AASS: variants seen among roughly 807,000 people sequenced by gnomAD.
The protein encoded by AASS is alpha-aminoadipic semialdehyde synthase, mitochondrial.
AASS carries 86 observed loss-of-function variants against 105.4 expected under a neutral mutation model. The observed-to-expected ratio is 0.82, with a 90% CI of 0.69 to 0.98. The LOEUF (loss-of-function observed/expected upper bound fraction) is 0.98. Ranked by LOEUF, AASS falls within the 50% of genes least tolerant of loss-of-function variation. The pLI is 0.00. For missense variants in AASS, 1,048 were observed against 1,143.2 expected (o/e 0.92, Z 1.20); for synonymous variants, 381 against 394.8 (o/e 0.96, Z 0.41).
At chr7:122,099,892 G>T (rs772237682) in intron 13 of AASS, among the ~76,000 whole-genome samples, 2 of 151,724 alleles carry the variant, frequency 1.3e-5, no homozygotes, top group Non-Finnish European at 2.9e-5. Context: ...CTTCCAGAGA[G>T]AACCACTATT....
intron 19 of AASS, among the ~76,000 whole-genome samples, chr7:122,082,278 A>C (rs1161792392): frequency 6.6e-6 from 1 of 151,732 alleles, no homozygotes. Context: ...ATCTAGCCTA[A>C]CTCACAGATC....
At chr7:122,126,606 G>C in intron 3 of AASS, 147 bp from the exon 4 acceptor site, 1 of 701,698 alleles carries the variant, frequency 1.4e-6, no homozygotes, top group Non-Finnish European at 2.5e-6. Context: ...GGTATACCAT[G>C]AAATATTTAG....
intron 11 of AASS, among the ~76,000 whole-genome samples, chr7:122,112,443 C>G (rs1562975040): frequency 6.6e-6 from 1 of 152,088 alleles, no homozygotes; most frequent in Non-Finnish European, 1.5e-5. Context: ...TCTTGCCCCA[C>G]TAACTATTGT....
chr7:122,112,851 C>T (rs1012138907), intron 11 of AASS, among the ~76,000 whole-genome samples: 8 of 152,120 alleles, frequency 5.3e-5, no homozygotes, highest in East Asian at 1.9e-4. Flanking sequence ...TTATCTCACA[C>T]GTGGTGAACA....
rs3213699 is a variant in AASS at position 122,085,907 on chromosome 7, A to G, written c.2184+105T>C. The G allele has an allele frequency of 0.12, 149,053 of 1,277,432 alleles. 9,754 individuals are homozygous for G. The highest frequency in any genetic ancestry group is 0.23 in the East Asian group (9,559 of 41,222). The allele number at this position is 1,277,432 out of a possible 1,614,324, so 79.1% of individuals were successfully genotyped here. Reference sequence around the variant, plus strand: ...AAGATTCCTGAAAAAATAGACTCCAACTTGGTTTATCATCTTAATTATTTT... The same window carrying G: ...AAGATTCCTGAAAAAATAGACTCCAGCTTGGTTTATCATCTTAATTATTTT... On this transcript the variant is annotated intron_variant, in intron 19 of 23. Coordinates refer to ENST00000417368, the MANE Select transcript of AASS (RefSeq NM_005763.4).
At chr7:122,117,782 A>G (rs1480683826) in intron 6 of AASS, among the ~76,000 whole-genome samples, 2 of 152,006 alleles carry the variant, frequency 1.3e-5, no homozygotes, top group East Asian at 3.9e-4. Context: ...CAGCCTCCTT[A>G]GTAGCCGGGA....
At chr7:122,126,707 A>C (rs1232173998) in intron 3 of AASS, among the ~76,000 whole-genome samples, 2 of 152,188 alleles carry the variant, frequency 1.3e-5, no homozygotes, top group Non-Finnish European at 2.9e-5. Flanking sequence ...ATGGTAAGCA[A>C]TGAAATAATA....
Position 122,077,856 on chromosome 7 carries a change from C to T in AASS, c.2644G>A (p.Ala882Thr), listed in dbSNP as rs1484679294. 1.2e-6 allele frequency: 2 copies of T among 1,614,062 alleles called. No individual in the cohort carries two copies. The highest frequency in any genetic ancestry group is 2.7e-5 in the African/African-American group (2 of 74,930). Reference sequence around the variant, plus strand: ...GACTTACCATCAAGCAACATTTTGGCTGCCATGGCGGTGGGTAACCCCACG... The same window carrying T: ...GACTTACCATCAAGCAACATTTTGGTTGCCATGGCGGTGGGTAACCCCACG... ...KTVGLPTAMAAKMLLDGEIGA... is the reference protein window; with the variant it reads ...KTVGLPTAMATKMLLDGEIGA... Residue 882 changes from alanine (A) to threonine (T), a missense_variant, in exon 23 of 24, where the codon GCC (alanine) becomes ACC (threonine). Ala to Thr is a moderately conservative substitution (Grantham distance 58). Transcript: ENST00000417368.
Position 122,108,819 on chromosome 7 carries a change from C to CAA in AASS, c.1278+4297_1278+4298dup, listed in dbSNP as rs57414254. On this transcript the variant is annotated intron_variant, in intron 11 of 23. Coordinates refer to ENST00000417368, the MANE Select transcript of AASS (RefSeq NM_005763.4). ...GGATGTTCTAGTCAGTGTAACTAGG[C>CAA]AAAAAAAAAGAAAACAAAGGTACCC... 1.2e-4 allele frequency among the ~76,000 whole-genome samples: 18 copies of CAA among 148,316 alleles called. No individual in the cohort carries two copies. In the East Asian group the frequency reaches 1.8e-3, roughly 15 times the overall value.
intron 13 of AASS, among the ~76,000 whole-genome samples, chr7:122,100,905 A>G (rs1218201200): frequency 6.6e-6 from 1 of 151,850 alleles, no homozygotes; most frequent in East Asian, 1.9e-4. Context: ...TCAATTGTTT[A>G]TTCACAACTC....
chr7:122,134,646 A>G lies in AASS; in HGVS notation c.-15-905T>C, dbSNP rs138694954. Among the ~76,000 whole-genome samples, 14 of 152,326 alleles carry G rather than the reference A, an allele frequency of 9.2e-5. No homozygotes were observed. The East Asian group carries it at 2.7e-3, about 29-fold the overall frequency. ...GGATTTTACAAAAGTATTGGTCCTCAACAGATTGGAAATTTAAGAAAACCA... is the reference window on the plus strand; with the variant it reads ...GGATTTTACAAAAGTATTGGTCCTCGACAGATTGGAAATTTAAGAAAACCA... On this transcript the variant is annotated intron_variant, in intron 1 of 23. Coordinates refer to ENST00000417368, the MANE Select transcript of AASS (RefSeq NM_005763.4).
chr7:122,094,903 T>C (rs1391848822), intron 15 of AASS, among the ~76,000 whole-genome samples: 1 of 152,034 alleles, frequency 6.6e-6, no homozygotes, highest in Non-Finnish European at 1.5e-5. Flanking sequence ...GATAGCCATT[T>C]GGAAGATGTG....
intron 19 of AASS, chr7:122,082,695 C>T (rs1044189885): frequency 1.6e-6 from 1 of 616,274 alleles, no homozygotes; most frequent in African/African-American, 1.9e-5. Context: ...AATGCGTCAC[C>T]ACTGACGACT....
At chr7:122,081,286 G>A (rs1428631992) in intron 20 of AASS, among the ~76,000 whole-genome samples, 2 of 152,132 alleles carry the variant, frequency 1.3e-5, no homozygotes, top group Non-Finnish European at 2.9e-5. Flanking sequence ...GGTATAAGTT[G>A]CTGCGGGAAA....
At chr7:122,121,114 T>C (rs1795422830) in intron 4 of AASS, among the ~76,000 whole-genome samples, 1 of 152,116 alleles carries the variant, frequency 6.6e-6, no homozygotes, top group African/African-American at 2.4e-5. Flanking sequence ...ACTGTGTATT[T>C]CTTAGTATGA....
At chr7:122,095,026 A>T (rs1235791542) in intron 15 of AASS, among the ~76,000 whole-genome samples, 1 of 152,038 alleles carries the variant, frequency 6.6e-6, no homozygotes, top group East Asian at 1.9e-4. Flanking sequence ...TCCTCCACAA[A>T]GCTTTCCCAG....
At chr7:122,079,144 C>G (rs1437584669) in intron 21 of AASS, 194 bp from the exon 22 acceptor site, 2 of 1,478,722 alleles carry the variant, frequency 1.4e-6, no homozygotes, top group Non-Finnish European at 1.8e-6. Flanking sequence ...CTTCTCCAGA[C>G]TCACCCAGGC....
intron 20 of AASS, 75 bp downstream of exon 20, chr7:122,081,425 G>C (rs1354072984): frequency 1.7e-6 from 2 of 1,147,422 alleles, no homozygotes; most frequent in Admixed American, 3.4e-5. Flanking sequence ...CAGATCCAAA[G>C]CAGAGTTCAC....
chr7:122,101,473 T>C, intron 12 of AASS, 35 bp from the exon 13 acceptor site: 2 of 1,572,272 alleles, frequency 1.3e-6, no homozygotes, highest in South Asian at 1.1e-5. Flanking sequence ...TTCTTTAGTA[T>C]CCACATTTTA....
Sources: allele counts gnomAD v4.1 joint callset (sites outside exome capture counted in the v4.1 genomes callset), GRCh38; gene constraint gnomAD v4.1.1; transcripts MANE v1.5; gene names NCBI Gene and HGNC (gene_info 2026-07-23, HGNC 2026-07-21).